Variants in LARGE1 observed in about 807,000 individuals in gnomAD.
LARGE1 encodes LARGE xylosyl- and glucuronyltransferase 1, also known as xylosyl- and glucuronyltransferase LARGE1.
LARGE1 carries 43 observed loss-of-function variants against 87.6 expected under a neutral mutation model. The ratio of observed to expected loss-of-function variants is 0.49; its 90% CI spans 0.38 to 0.63. The LOEUF (loss-of-function observed/expected upper bound fraction) is 0.63. Among genes scored for constraint, LARGE1 ranks in the 30% least tolerant of loss-of-function variants. The pLI, the probability that LARGE1 is intolerant of heterozygous loss-of-function variation, is 0.00. For missense variants in LARGE1, 802 were observed against 1,000.2 expected, an observed-to-expected ratio of 0.80 and a Z score of 2.67; for synonymous variants, 434 against 394.6, an observed-to-expected ratio of 1.10 and a Z score of -1.18.
chr22:33,560,817 C>CT (rs10710316), intron 6 of LARGE1, among the ~76,000 whole-genome samples: 15,823 of 142,318 alleles, frequency 0.11, 2,190 homozygotes, highest in African/African-American at 0.33. Flanking sequence ...GTTTATTTAA[C>CT]TTTTTTTTTT....
At chr22:33,455,929 C>T (rs754008263) in intron 6 of LARGE1, among the ~76,000 whole-genome samples, 16 of 152,202 alleles carry the variant, frequency 1.1e-4, no homozygotes, top group Middle Eastern at 3.4e-3. Context: ...GCAAGAAACA[C>T]GACATCTAAC....
chr22:33,843,440 A>AAAT (rs1568978753), intron 1 of LARGE1, among the ~76,000 whole-genome samples: 10 of 146,536 alleles, frequency 6.8e-5, no homozygotes, highest in Middle Eastern at 3.2e-3. Flanking sequence ...CCCTCTCAAA[A>AAAT]AAATAAATAA....
chr22:33,536,272 T>C (rs2077040882), intron 6 of LARGE1, among the ~76,000 whole-genome samples: 1 of 152,180 alleles, frequency 6.6e-6, no homozygotes, highest in Non-Finnish European at 1.5e-5. Flanking sequence ...ACATGAAGGA[T>C]TTTAAGTAGA....
At chr22:33,221,321 A>T (rs555657682) in intron 11 of LARGE1, among the ~76,000 whole-genome samples, 1 of 152,098 alleles carries the variant, frequency 6.6e-6, no homozygotes. Flanking sequence ...TTTTTTCCGT[A>T]TCTCAATTCT....
intron 12 of LARGE1, among the ~76,000 whole-genome samples, chr22:33,290,415 C>T (rs1302619585): frequency 6.6e-6 from 1 of 152,180 alleles, no homozygotes; most frequent in African/African-American, 2.4e-5. Context: ...CTTGGTTCTG[C>T]AATTTCCGTA....
At chr22:33,136,084 G>A in the LARGE1 span, among the ~76,000 whole-genome samples, 9 of 151,842 alleles carry the variant, frequency 5.9e-5, no homozygotes, top group Admixed American at 1.3e-4. Context: ...TAAGTAATTG[G>A]ACTAGGTGCT....
At chr22:33,577,609 T>A (rs1409926953) in intron 5 of LARGE1, among the ~76,000 whole-genome samples, 1 of 152,238 alleles carries the variant, frequency 6.6e-6, no homozygotes. Flanking sequence ...TAGGCTGCAA[T>A]TAAAGAAGCC....
rs190202637 is a variant in LARGE1, at chr22:33,385,523, G to A, written c.893-1219C>T. ...AGCCTGGACGACAGCGCAGGACACC[G>A]TCTCAAAAAAAAAAAAAAAAAAAAA... On this transcript the variant is annotated intron_variant, in intron 7 of 14. Transcript: ENST00000397394. 1.2e-3 allele frequency among the ~76,000 whole-genome samples: 82 copies of A among 70,468 alleles called. 1 individual carries two copies. Among genetic ancestry groups the A allele is most frequent in the South Asian group, 8.0e-4 (1 of 1,250 alleles). The allele number at this position is 70,468 out of a possible 152,430, so 46.2% of individuals were successfully genotyped here.
chr22:33,250,372 A>G (rs1250061006), intron 11 of LARGE1, among the ~76,000 whole-genome samples: 2 of 152,214 alleles, frequency 1.3e-5, no homozygotes, highest in Non-Finnish European at 2.9e-5. Context: ...TTAACCTGGC[A>G]TCCTGCAACC....
chr22:33,824,127 T>G (rs1337726819), intron 1 of LARGE1, among the ~76,000 whole-genome samples: 3 of 152,228 alleles, frequency 2.0e-5, no homozygotes, highest in African/African-American at 7.2e-5. Context: ...CGATTGAGTT[T>G]TGCTAACATT....
chr22:33,825,634 G>C (rs58634529), intron 1 of LARGE1, among the ~76,000 whole-genome samples: 6,999 of 152,214 alleles, frequency 0.046, 264 homozygotes, highest in African/African-American at 0.093. Flanking sequence ...AACAGCATAC[G>C]GGTAACTGCT....
the LARGE1 span, chr22:33,108,682 G>A: frequency 6.6e-6 from 1 of 151,976 alleles, no homozygotes; most frequent in African/African-American, 2.4e-5. Flanking sequence ...GAAGTTTTGA[G>A]CTTATGTGGA....
chr22:33,588,209 T>C (rs1042219886), intron 5 of LARGE1, among the ~76,000 whole-genome samples: 1 of 152,232 alleles, frequency 6.6e-6, no homozygotes, highest in Non-Finnish European at 1.5e-5. Flanking sequence ...GGCTCCACAC[T>C]GCAGTGGCAA....
intron 9 of LARGE1, among the ~76,000 whole-genome samples, chr22:33,380,185 GTTTT>G (rs2065113997): frequency 6.6e-6 from 1 of 152,052 alleles, no homozygotes; most frequent in African/African-American, 2.4e-5. Flanking sequence ...TACACAGTTG[GTTTT>G]ATTTCGCCCC....
intron 2 of LARGE1, among the ~76,000 whole-genome samples, chr22:33,758,612 C>T (rs753734061): frequency 2.6e-4 from 39 of 152,278 alleles, no homozygotes; most frequent in Non-Finnish European, 5.0e-4. Context: ...TTTCCAGTTT[C>T]CCATAATCTA....
intron 6 of LARGE1, among the ~76,000 whole-genome samples, chr22:33,546,608 A>T (rs770790137): frequency 3.3e-5 from 5 of 151,958 alleles, no homozygotes; most frequent in Non-Finnish European, 5.9e-5. Flanking sequence ...TTTTTGAGAC[A>T]CAGTCTCACT....
At chr22:33,917,225 T>C (rs2065813729) in intron 1 of LARGE1, among the ~76,000 whole-genome samples, 1 of 152,200 alleles carries the variant, frequency 6.6e-6, no homozygotes, top group Non-Finnish European at 1.5e-5. Context: ...CTAAGCAGGC[T>C]CTTCTTGGCC....
At chr22:33,104,889 CTCTTTCTTTCTTTCTTTCTTTCTTTCTT>C in the LARGE1 span, among the ~76,000 whole-genome samples, 58 of 89,232 alleles carry the variant, frequency 6.5e-4, no homozygotes, top group African/African-American at 1.2e-3. Context: ...GACTTTCTCT[CTCTTTCTTTCTTTCTTTCTTTCTTTCTT>C]TCTTTCTTTC....
At chr22:33,076,499 T>C in the LARGE1 span, among the ~76,000 whole-genome samples, 2 of 152,232 alleles carry the variant, frequency 1.3e-5, no homozygotes, top group Admixed American at 1.3e-4. Flanking sequence ...GATGTGTGTG[T>C]ATCTGTTTTG....
Sources: gnomAD v4.1 joint callset for allele counts (sites outside exome capture counted in the v4.1 genomes callset) on GRCh38, gnomAD v4.1.1 for gene constraint, MANE v1.5 for transcripts, NCBI Gene and HGNC (gene_info 2026-07-23, HGNC 2026-07-21) for gene names.